Variants in YIPF1 observed in about 807,000 individuals in gnomAD.
YIPF1 encodes Yip1 domain family member 1.
YIPF1 carries 22 observed loss-of-function variants against 37.0 expected under a neutral mutation model. The observed-to-expected ratio is 0.59, with a 90% confidence interval of 0.42 to 0.85. The LOEUF (loss-of-function observed/expected upper bound fraction) is 0.85, where lower values mean the gene tolerates loss of function less well. Ranked by LOEUF, YIPF1 falls within the 40% of genes least tolerant of loss-of-function variation. YIPF1 has a pLI of 0.00. For missense variants in YIPF1, 355 were observed against 373.1 expected (o/e 0.95, Z 0.40); for synonymous variants, 128 against 131.9 (o/e 0.97, Z 0.21).
intron 9 of YIPF1, among the ~76,000 whole-genome samples, chr1:53,860,521 G>C (rs182711254): frequency 2.0e-5 from 3 of 152,106 alleles, no homozygotes; most frequent in Non-Finnish European, 2.9e-5. Context: ...AAGCTAGGTC[G>C]GTCTGACTCC....
intron 6 of YIPF1, among the ~76,000 whole-genome samples, chr1:53,874,947 A>C (rs1249357845): frequency 1.3e-5 from 2 of 151,932 alleles, no homozygotes; most frequent in Non-Finnish European, 2.9e-5. Context: ...CTGCTGATGG[A>C]TATCTTGGTT....
At chr1:53,875,914 C>A (rs1650323070) in intron 6 of YIPF1, among the ~76,000 whole-genome samples, 1 of 152,198 alleles carries the variant, frequency 6.6e-6, no homozygotes, top group Admixed American at 6.5e-5. Flanking sequence ...CCTAAGCATT[C>A]ATTACTAGAA....
intron 4 of YIPF1, among the ~76,000 whole-genome samples, chr1:53,880,646 A>T (rs1018896133): frequency 6.6e-6 from 1 of 152,240 alleles, no homozygotes; most frequent in African/African-American, 2.4e-5. Context: ...GCATCATGCT[A>T]CCTGACTTCA....
intron 9 of YIPF1, among the ~76,000 whole-genome samples, chr1:53,865,410 A>C (rs151106535): frequency 6.6e-6 from 1 of 152,334 alleles, no homozygotes; most frequent in East Asian, 1.9e-4. Context: ...ATGACAATAA[A>C]AATAATACAC....
chr1:53,858,533 T>C (rs1649782940), intron 10 of YIPF1, among the ~76,000 whole-genome samples: 2 of 152,174 alleles, frequency 1.3e-5, no homozygotes, highest in African/African-American at 2.4e-5. Context: ...TACAATCTTA[T>C]ATAGTTTGTG....
intron 4 of YIPF1, among the ~76,000 whole-genome samples, chr1:53,882,373 C>G (rs1238539176): frequency 1.3e-5 from 2 of 151,808 alleles, no homozygotes; most frequent in South Asian, 4.2e-4. Context: ...CAATTAAAGT[C>G]GACAGTGGCA....
intron 10 of YIPF1, among the ~76,000 whole-genome samples, chr1:53,854,064 A>G (rs554057354): frequency 5.6e-4 from 86 of 152,274 alleles, no homozygotes; most frequent in African/African-American, 1.9e-3. Context: ...AGCCTGGCCA[A>G]CATGGCAAAA....
At chr1:53,879,579 T>G (rs780659837) in intron 4 of YIPF1, among the ~76,000 whole-genome samples, 1 of 152,100 alleles carries the variant, frequency 6.6e-6, no homozygotes, top group South Asian at 2.1e-4. Flanking sequence ...ACACAGCTCT[T>G]TGGTGGCAGA....
intron 3 of YIPF1, among the ~76,000 whole-genome samples, chr1:53,888,130 G>A (rs1165694735): frequency 6.6e-6 from 1 of 152,186 alleles, no homozygotes; most frequent in Non-Finnish European, 1.5e-5. Flanking sequence ...GAAGGCTGAG[G>A]CAGGAGAATC....
intron 4 of YIPF1, among the ~76,000 whole-genome samples, chr1:53,879,841 T>C (rs1056529668): frequency 2.2e-4 from 33 of 152,252 alleles, no homozygotes; most frequent in African/African-American, 7.7e-4. Context: ...GGTTCTTGCA[T>C]TGGGACTGAC....
intron 9 of YIPF1, 39 bp downstream of exon 9, chr1:53,866,161 T>C (rs1557604037): frequency 6.3e-7 from 1 of 1,597,916 alleles, no homozygotes; most frequent in Non-Finnish European, 8.5e-7. Context: ...AGCATTTGGA[T>C]ATAAAACACA....
At chr1:53,861,675 A>C (rs1649881830) in intron 9 of YIPF1, among the ~76,000 whole-genome samples, 1 of 122,956 alleles carries the variant, frequency 8.1e-6, no homozygotes, top group Non-Finnish European at 1.7e-5. Flanking sequence ...GAAGGAAGGA[A>C]GGAAGGGAGA....
chr1:53,879,192 TCAAA>T (rs1650420601), intron 4 of YIPF1, among the ~76,000 whole-genome samples: 1 of 151,898 alleles, frequency 6.6e-6, no homozygotes, highest in African/African-American at 2.4e-5. Flanking sequence ...ACTCCTGGGC[TCAAA>T]CAATCTTCCC....
intron 3 of YIPF1, among the ~76,000 whole-genome samples, chr1:53,885,979 T>C (rs993240327): frequency 1.3e-5 from 2 of 151,812 alleles, no homozygotes; most frequent in African/African-American, 4.9e-5. Context: ...TAAGTATATA[T>C]ACCTACTACA....
At chr1:53,881,845 A>C (rs945221629) in intron 4 of YIPF1, among the ~76,000 whole-genome samples, 3 of 152,212 alleles carry the variant, frequency 2.0e-5, no homozygotes, top group African/African-American at 2.4e-5. Flanking sequence ...TTGACCCAGC[A>C]ATCCCATTAC....
intron 3 of YIPF1, among the ~76,000 whole-genome samples, chr1:53,885,128 G>A (rs1650611281): frequency 6.6e-6 from 1 of 152,158 alleles, no homozygotes; most frequent in Admixed American, 6.6e-5. Flanking sequence ...CCATGGCTCT[G>A]AGTCTCTGTT....
intron 6 of YIPF1, among the ~76,000 whole-genome samples, chr1:53,871,726 T>C (rs150618044): frequency 6.6e-6 from 1 of 152,272 alleles, no homozygotes; most frequent in Admixed American, 6.5e-5. Context: ...CAAAACGCCT[T>C]CCACAATTAG....
In YIPF1 at chr1:53,871,507, AAT is replaced by A; in HGVS notation, c.365-21_365-20del. 1 of 1,585,180 alleles carries A rather than the reference AAT, an allele frequency of 6.3e-7. No individual in the cohort carries two copies. The highest frequency in any genetic ancestry group is 8.6e-7 in the Non-Finnish European group (1 of 1,156,320). On this transcript the variant is annotated intron_variant, in intron 6 of 10. Coordinates refer to ENST00000072644, the MANE Select transcript of YIPF1 (RefSeq NM_018982.5). ...AAGGGGCCTGCAAAGGAAACCAGAA[AAT>A]TCAGAAACAAGAAAATGAAGCATAA...
At chr1:53,852,374 C>T (rs1649618099) in intron 10 of YIPF1, 104 bp from the exon 11 acceptor site, 1 of 152,110 alleles carries the variant, frequency 6.6e-6, no homozygotes, top group African/African-American at 2.4e-5. Flanking sequence ...AGAGATATAA[C>T]TCCCAACACC....
Sources: gnomAD v4.1 joint callset for allele counts (sites outside exome capture counted in the v4.1 genomes callset) on GRCh38, gnomAD v4.1.1 for gene constraint, MANE v1.5 for transcripts, NCBI Gene and HGNC (gene_info 2026-07-23, HGNC 2026-07-21) for gene names.